The following CDC25C variants were observed in gnomAD, a reference collection of about 807,000 sequenced individuals.
CDC25C encodes M-phase inducer phosphatase 3.
A neutral mutation model predicts 52.5 loss-of-function variants in CDC25C; 48 were observed. The ratio of observed to expected loss-of-function variants is 0.91; its 90% CI spans 0.72 to 1.16. The LOEUF (loss-of-function observed/expected upper bound fraction) is 1.16, where lower values mean the gene tolerates loss of function less well. Ranked by LOEUF, CDC25C falls within the 50% of genes most tolerant of loss-of-function variation. CDC25C has a pLI of 0.00. For synonymous variants in CDC25C, 187 were observed against 206.5 expected, an observed-to-expected ratio of 0.91 and a Z score of 0.81; for missense variants, 510 against 566.1, an observed-to-expected ratio of 0.90 and a Z score of 1.01.
chr5:138,332,366 T>C (rs1471607253), upstream of CDC25C, among the ~76,000 whole-genome samples: 3 of 152,200 alleles, frequency 2.0e-5, no homozygotes, highest in Non-Finnish European at 4.4e-5. Context: ...GTGTTTATGC[T>C]GAGAGGCATT....
intron 7 of CDC25C, among the ~76,000 whole-genome samples, chr5:138,310,828 C>T (rs1008916004): frequency 6.6e-6 from 1 of 152,118 alleles, no homozygotes; most frequent in African/African-American, 2.4e-5. Context: ...ATAGGGACTT[C>T]GAATGGTGGT....
chr5:138,333,939 A>T (rs1561732702), upstream of CDC25C, among the ~76,000 whole-genome samples: 1 of 145,510 alleles, frequency 6.9e-6, no homozygotes, highest in Non-Finnish European at 1.5e-5. Flanking sequence ...TCTTAAGAGT[A>T]TTTTTTTTTT....
intron 7 of CDC25C, among the ~76,000 whole-genome samples, chr5:138,307,579 A>T (rs1176570723): frequency 6.6e-6 from 1 of 151,896 alleles, no homozygotes; most frequent in Non-Finnish European, 1.5e-5. Context: ...TAAGAAAATG[A>T]GCCCATAAAA....
chr5:138,315,299 T>C (rs1487705346), intron 7 of CDC25C, among the ~76,000 whole-genome samples: 4 of 152,170 alleles, frequency 2.6e-5, no homozygotes, highest in African/African-American at 9.7e-5. Context: ...TCTCTTACTA[T>C]GCCTAAGTAA....
At chr5:138,298,681 C>T (rs183411673) in intron 7 of CDC25C, among the ~76,000 whole-genome samples, 2 of 151,368 alleles carry the variant, frequency 1.3e-5, no homozygotes, top group South Asian at 2.1e-4. Context: ...ACCTGGGAGG[C>T]GGAAGTTGCA....
intron 4 of CDC25C, among the ~76,000 whole-genome samples, chr5:138,327,416 A>G (rs868221038): frequency 2.0e-4 from 30 of 151,948 alleles, no homozygotes; most frequent in African/African-American, 4.8e-4. Flanking sequence ...TGATCACTTG[A>G]GGTCAGGAGT....
At chr5:138,302,631 G>T (rs1383119210) in intron 7 of CDC25C, among the ~76,000 whole-genome samples, 1 of 151,682 alleles carries the variant, frequency 6.6e-6, no homozygotes, top group Non-Finnish European at 1.5e-5. Context: ...CCCAGGAGGC[G>T]GAGGTTGTGG....
rs554669941 is a variant in CDC25C, at chr5:138,285,465, A to G, written c.*227T>C. 765 of 544,908 alleles carry G rather than the reference A, an allele frequency of 1.4e-3. 5 individuals are homozygous for G. The highest frequency in any genetic ancestry group is 1.7e-3 in the Non-Finnish European group (507 of 304,918). The allele number at this position is 544,908 out of a possible 1,614,324, so 33.8% of individuals were successfully genotyped here. A position where few individuals can be genotyped will look rare whatever the true frequency, so the allele number is the denominator to read the frequency against. On this transcript the variant is annotated 3_prime_UTR_variant, in exon 14 of 14. Coordinates refer to ENST00000323760, the MANE Select transcript of CDC25C (RefSeq NM_001790.5). ...GTTCCCTGAACCAATACAAATCTCT[A>G]TGCAACTCAAGGCTGCCTTATAGAG... is the stretch of plus-strand genomic sequence containing the variant.
At chr5:138,287,387 G>A in intron 10 of CDC25C, 120 bp from the exon 11 acceptor site, 1 of 617,710 alleles carries the variant, frequency 1.6e-6, no homozygotes, top group Non-Finnish European at 2.9e-6. Context: ...AGCCTCCAAA[G>A]TCACCCCATA....
intron 12 of CDC25C, 21 bp from the exon 13 acceptor site, chr5:138,286,154 T>C: frequency 6.4e-7 from 1 of 1,573,748 alleles, no homozygotes; most frequent in Non-Finnish European, 8.7e-7. Flanking sequence ...AACCCAGAGA[T>C]GGGTGGGGTG....
At chr5:138,337,856 AG>A (rs1342833710) in intron 1 of CDC25C, 3 of 742,472 alleles carry the variant, frequency 4.0e-6, no homozygotes, top group Non-Finnish European at 4.0e-6. Context: ...AGAGCAGGTG[AG>A]GGGCACTGTG....
chr5:138,309,462 C>T (rs2126746720), intron 7 of CDC25C, among the ~76,000 whole-genome samples: 1 of 151,950 alleles, frequency 6.6e-6, no homozygotes, highest in South Asian at 2.1e-4. Flanking sequence ...GAGGTTGAGG[C>T]AGGAGAATCT....
At position 138,287,218 on chromosome 5, in the gene CDC25C, T is replaced by C. The variant is rs1756324576; in HGVS notation, c.977A>G (p.Tyr326Cys). 2.5e-6 allele frequency: 4 copies of C among 1,614,020 alleles called. No individual in the cohort carries two copies. Among genetic ancestry groups the C allele is most frequent in the Non-Finnish European group, 2.5e-6 (3 of 1,179,966 alleles). ...GKFQGLIEKF[Y>C]VIDCRYPYEY... ...ATATGGATAGCGACAATCAATGACA[T>C]AAAACTTCTCAATCAGACCCTGGAA... The change falls in exon 11 of 14, where the codon TAT becomes TGT. Residue 326 changes from tyrosine (Y) to cysteine (C), a missense_variant. Tyr to Cys is a radical substitution (Grantham distance 194). Coordinates refer to ENST00000323760, the MANE Select transcript of CDC25C (RefSeq NM_001790.5).
intron 6 of CDC25C, 30 bp downstream of exon 6, chr5:138,325,785 A>AAT (rs1211600185): frequency 1.3e-6 from 2 of 1,495,728 alleles, no homozygotes; most frequent in Admixed American, 1.7e-5. Context: ...TAAAACTGCC[A>AAT]ATATATCTAG....
At chr5:138,302,098 G>A (rs1268869222) in intron 7 of CDC25C, among the ~76,000 whole-genome samples, 2 of 151,862 alleles carry the variant, frequency 1.3e-5, no homozygotes, top group Admixed American at 6.6e-5. Context: ...TGATTCAAGC[G>A]ATTCTCCTGC....
Position 138,292,136 on chromosome 5 carries a change from C to T in CDC25C, c.616-20G>A. On this transcript the variant is annotated intron_variant, in intron 7 of 13. Coordinates refer to ENST00000323760, the MANE Select transcript of CDC25C (RefSeq NM_001790.5). The stretch of plus-strand genomic sequence containing the variant: ...GCTCACCTGTTTGGGAATATTAAAC[C>T]CCCTAGTTCTTACTCCTCCAAGTGT... 1 of 1,601,980 alleles carries T rather than the reference C, an allele frequency of 6.2e-7. No homozygotes were observed.
At position 138,308,535 on chromosome 5, in the gene CDC25C, C is replaced by T. The variant is rs561307394; in HGVS notation, c.615+10684G>A. On this transcript the variant is annotated intron_variant, in intron 7 of 13. Transcript: ENST00000323760. ...CTTCATTTTACATTGCTCTTTTTTTCGGAAGCCCTAGAAACCTTTTCCCCA... is the reference window on the plus strand; with the variant it reads ...CTTCATTTTACATTGCTCTTTTTTTTGGAAGCCCTAGAAACCTTTTCCCCA... Among the ~76,000 whole-genome samples, 15 of 151,936 alleles carry T rather than the reference C, an allele frequency of 9.9e-5. No individual in the cohort carries two copies. In the South Asian group the frequency reaches 2.5e-3, roughly 25 times the overall value.
At chr5:138,327,778 T>TA (rs1195449939) in intron 4 of CDC25C, among the ~76,000 whole-genome samples, 4 of 150,918 alleles carry the variant, frequency 2.7e-5, no homozygotes, top group African/African-American at 7.3e-5. Context: ...CCAATGAAGT[T>TA]AAAAAAAACT....
At chr5:138,317,962 G>GA (rs1759030065) in intron 7 of CDC25C, among the ~76,000 whole-genome samples, 1 of 152,072 alleles carries the variant, frequency 6.6e-6, no homozygotes, top group Non-Finnish European at 1.5e-5. Context: ...CTATTGACTG[G>GA]AACCTGTTCA....
Sources: allele counts gnomAD v4.1 joint callset (sites outside exome capture counted in the v4.1 genomes callset), GRCh38; gene constraint gnomAD v4.1.1; transcripts MANE v1.5; gene names NCBI Gene and HGNC (gene_info 2026-07-23, HGNC 2026-07-21).